Variants in VTI1A observed in about 807,000 individuals in gnomAD.
VTI1A encodes the protein vesicle transport through interaction with t-SNAREs 1A.
Under a neutral mutation model 34.9 loss-of-function variants are expected in VTI1A, and 22 were observed. The observed-to-expected ratio is 0.63, with a 90% confidence interval of 0.45 to 0.90. VTI1A has a LOEUF of 0.90. Ranked by LOEUF, VTI1A falls within the 40% of genes least tolerant of loss-of-function variation. The pLI is 0.00. For missense variants in VTI1A, 268 were observed against 275.6 expected, an observed-to-expected ratio of 0.97 and a Z score of 0.20; for synonymous variants, 87 against 97.3, an observed-to-expected ratio of 0.89 and a Z score of 0.62.
At chr10:112,453,595 T>C (rs1847320793) in intron 1 of VTI1A, among the ~76,000 whole-genome samples, 1 of 152,220 alleles carries the variant, frequency 6.6e-6, no homozygotes. Flanking sequence ...TGTTTTAGCG[T>C]TGACCATTGG....
At chr10:112,688,362 C>T (rs1848498944) in intron 7 of VTI1A, among the ~76,000 whole-genome samples, 1 of 152,060 alleles carries the variant, frequency 6.6e-6, no homozygotes, top group Admixed American at 6.6e-5. Flanking sequence ...TAACCTACCC[C>T]ATCTACAATG....
rs915170288 is a variant in VTI1A at position 112,661,294 on chromosome 10, T to G, written c.428-6924T>G. ...CATCACCTGGCTAATTTTTGTATTT[T>G]TAGTAGAGACAGGGTTTTGCCATGT... On this transcript the variant is annotated intron_variant, in intron 5 of 7. Coordinates refer to ENST00000393077, the MANE Select transcript of VTI1A (RefSeq NM_145206.4). Among the ~76,000 whole-genome samples the G allele has an allele frequency of 5.3e-5, 8 of 152,166 alleles. No homozygotes were observed. In the East Asian group the frequency reaches 1.5e-3, roughly 29 times the overall value.
chr10:112,775,585 A>G (rs1161557734), intron 7 of VTI1A, among the ~76,000 whole-genome samples: 1 of 152,154 alleles, frequency 6.6e-6, no homozygotes, highest in Non-Finnish European at 1.5e-5. Flanking sequence ...GGGAAAAAAA[A>G]TCCCAAAGCA....
chr10:112,803,702 G>A (rs140164515), intron 7 of VTI1A, among the ~76,000 whole-genome samples: 4 of 152,302 alleles, frequency 2.6e-5, no homozygotes, highest in African/African-American at 9.6e-5. Flanking sequence ...GGAGGTGAAG[G>A]CTGCAGTGAG....
At chr10:112,853,740 C>T in the VTI1A span, among the ~76,000 whole-genome samples, 1 of 152,164 alleles carries the variant, frequency 6.6e-6, no homozygotes, top group Non-Finnish European at 1.5e-5. Flanking sequence ...AAAAACAAAA[C>T]TTGCCAAAAA....
At chr10:112,565,362 G>A (rs991946259) in intron 5 of VTI1A, among the ~76,000 whole-genome samples, 2 of 151,864 alleles carry the variant, frequency 1.3e-5, no homozygotes, top group Non-Finnish European at 1.5e-5. Flanking sequence ...TGCTTCTTTA[G>A]GTTTATGAAA....
In VTI1A at chr10:112,559,854, G is replaced by A. The variant is rs1219432868; in HGVS notation, c.427+21524G>A. 2.0e-5 allele frequency among the ~76,000 whole-genome samples: 3 copies of A among 152,114 alleles called. No individual in the cohort carries two copies. In the East Asian group the frequency reaches 5.8e-4, roughly 29 times the overall value. Reference sequence around the variant, plus strand: ...ATTGGGTGTCTTATGAGAAAAAATTGGGGGAAATAAAGTTATGATGGGTAG... The same window carrying A: ...ATTGGGTGTCTTATGAGAAAAAATTAGGGGAAATAAAGTTATGATGGGTAG... On this transcript the variant is annotated intron_variant, in intron 5 of 7. Transcript: ENST00000393077.
the VTI1A span, among the ~76,000 whole-genome samples, chr10:112,839,260 C>T: frequency 3.0e-4 from 45 of 152,252 alleles, no homozygotes; most frequent in East Asian, 7.6e-3. Context: ...GCTGACAACC[C>T]GCAAGCAATC....
intron 7 of VTI1A, among the ~76,000 whole-genome samples, chr10:112,679,248 A>C (rs1848132954): frequency 6.6e-6 from 1 of 152,196 alleles, no homozygotes; most frequent in South Asian, 2.1e-4. Flanking sequence ...GGAAGCCATA[A>C]TAAGAAACAA....
chr10:112,814,861 A>G (rs1312011800), intron 7 of VTI1A, among the ~76,000 whole-genome samples: 2 of 152,134 alleles, frequency 1.3e-5, no homozygotes, highest in African/African-American at 2.4e-5. Flanking sequence ...AGGTAAGTAC[A>G]TTGCTGACAT....
intron 7 of VTI1A, among the ~76,000 whole-genome samples, chr10:112,790,622 C>T (rs1034806341): frequency 1.3e-5 from 2 of 152,144 alleles, no homozygotes; most frequent in African/African-American, 4.8e-5. Context: ...GGCAGCCCCA[C>T]CCTGGTAAAA....
At chr10:112,650,614 G>A (rs969857308) in intron 5 of VTI1A, among the ~76,000 whole-genome samples, 1 of 152,162 alleles carries the variant, frequency 6.6e-6, no homozygotes, top group East Asian at 1.9e-4. Context: ...ATGACTCGCA[G>A]TGCAGTAAGT....
chr10:112,852,763 G>GGTTTT, the VTI1A span, among the ~76,000 whole-genome samples: 7 of 152,172 alleles, frequency 4.6e-5, no homozygotes, highest in African/African-American at 7.2e-5. Context: ...TGTCTTTCTT[G>GGTTTT]GTTTTGTTTT....
chr10:112,712,816 C>T lies in VTI1A; in HGVS notation c.560+43818C>T, dbSNP rs149141220. ...AAGGGATGTTGATTCCACAACATCTCATTCTGCTATATGCAGATTTAATGG... is the reference window on the plus strand; with the variant it reads ...AAGGGATGTTGATTCCACAACATCTTATTCTGCTATATGCAGATTTAATGG... On this transcript the variant is annotated intron_variant, in intron 7 of 7. Transcript: ENST00000393077. Among the ~76,000 whole-genome samples the T allele has an allele frequency of 1.8e-3, 272 of 152,314 alleles. 3 individuals carry two copies. Among genetic ancestry groups the T allele is most frequent in the Admixed American group, 0.017 (259 of 15,304 alleles).
intron 7 of VTI1A, among the ~76,000 whole-genome samples, chr10:112,794,925 G>T (rs111845900): frequency 6.6e-6 from 1 of 152,070 alleles, no homozygotes; most frequent in Non-Finnish European, 1.5e-5. Context: ...TCAACTCACC[G>T]ATATTATATG....
At chr10:112,722,603 G>A (rs902321528) in intron 7 of VTI1A, among the ~76,000 whole-genome samples, 2 of 152,222 alleles carry the variant, frequency 1.3e-5, no homozygotes, top group African/African-American at 4.8e-5. Flanking sequence ...GAGAAAAGAG[G>A]CAGCAATTCC....
chr10:112,700,334 C>T (rs905395216), intron 7 of VTI1A, among the ~76,000 whole-genome samples: 1 of 152,034 alleles, frequency 6.6e-6, no homozygotes, highest in South Asian at 2.1e-4. Context: ...GTAAGCTGTA[C>T]AAGAAAGTCC....
chr10:112,581,095 G>T (rs1291486389), intron 5 of VTI1A, among the ~76,000 whole-genome samples: 1 of 152,166 alleles, frequency 6.6e-6, no homozygotes, highest in Non-Finnish European at 1.5e-5. Flanking sequence ...GGCTCCGCAT[G>T]CCTTCTGGGT....
At chr10:112,717,689 CA>C (rs1228066404) in intron 7 of VTI1A, among the ~76,000 whole-genome samples, 2 of 152,090 alleles carry the variant, frequency 1.3e-5, no homozygotes, top group African/African-American at 4.8e-5. Context: ...TTTTCTTACC[CA>C]ATCTAATAAG....
Sources: allele counts gnomAD v4.1 joint callset (sites outside exome capture counted in the v4.1 genomes callset), GRCh38; gene constraint gnomAD v4.1.1; transcripts MANE v1.5; gene names NCBI Gene and HGNC (gene_info 2026-07-23, HGNC 2026-07-21).